The following MICAL3 variants were observed in gnomAD, a reference collection of about 807,000 sequenced individuals.
MICAL3 encodes the protein microtubule associated monooxygenase, calponin and LIM domain containing 3.
Under a neutral mutation model 207.4 loss-of-function variants are expected in MICAL3, and 62 were observed. That is an observed-to-expected ratio of 0.30 (90% CI 0.24 to 0.37). The LOEUF is 0.37. Ranked by LOEUF, MICAL3 falls within the 10% of genes least tolerant of loss-of-function variation. The pLI, the probability that MICAL3 is intolerant of heterozygous loss-of-function variation, is 1.00. For synonymous variants in MICAL3, 1,077 were observed against 1,069.3 expected (o/e 1.01, Z -0.14); for missense variants, 2,368 against 2,635.6 (o/e 0.90, Z 2.22).
rs184043973 is a variant in MICAL3 at position 17,829,397 on chromosome 22, G to A, written c.3056-1616C>T. The stretch of plus-strand genomic sequence containing the variant: ...TTGGTCAGACTGGTCTCAAACTCCC[G>A]ATCTCAGGTGATCCACACGCCTCGG... On this transcript the variant is annotated intron_variant, in intron 21 of 31. Transcript: ENST00000441493. Among the ~76,000 whole-genome samples the A allele has an allele frequency of 3.4e-4, 52 of 152,138 alleles. 1 individual carries two copies. In the East Asian group the frequency reaches 8.7e-3, roughly 26 times the overall value.
chr22:17,963,895 G>C (rs1222407844), intron 1 of MICAL3, among the ~76,000 whole-genome samples: 2 of 152,128 alleles, frequency 1.3e-5, no homozygotes. Flanking sequence ...CAAGGTCGTG[G>C]GGACATATTT....
At chr22:17,918,258 C>T (rs948198426) in intron 1 of MICAL3, among the ~76,000 whole-genome samples, 2 of 151,430 alleles carry the variant, frequency 1.3e-5, no homozygotes, top group South Asian at 2.1e-4. Flanking sequence ...TCTGGCCTGG[C>T]GGACAGAACG....
At chr22:17,950,837 A>C (rs34272636) in intron 1 of MICAL3, among the ~76,000 whole-genome samples, 22,284 of 152,230 alleles carry the variant, frequency 0.15, 2,104 homozygotes, top group Middle Eastern at 0.23. Flanking sequence ...CACCAACGCC[A>C]CTACTTGGAA....
chr22:17,935,771 GAACA>G (rs1933487563), intron 1 of MICAL3, among the ~76,000 whole-genome samples: 1 of 152,166 alleles, frequency 6.6e-6, no homozygotes, highest in South Asian at 2.1e-4. Context: ...CAAAGAATAT[GAACA>G]GACACTTCTC....
At position 17,827,891 on chromosome 22, in the gene MICAL3, G is replaced by A. The variant is rs1922365753; in HGVS notation, c.3056-110C>T. ...TTACAGCATTGGCCAGGGTCAGTAT[G>A]AATCAGAAAGAAGTAAAAATTAAGA... On this transcript the variant is annotated intron_variant, in intron 21 of 31. Transcript: ENST00000441493. The A allele has an allele frequency of 2.6e-6, 3 of 1,150,478 alleles. No homozygotes were observed. In the Admixed American group the frequency reaches 7.7e-5, roughly 30 times the overall value. 71.3% of individuals were successfully genotyped at this position (1,150,478 alleles called of 1,614,324 possible).
At chr22:17,848,832 T>C (rs7284796) in intron 19 of MICAL3, among the ~76,000 whole-genome samples, 4,358 of 152,332 alleles carry the variant, frequency 0.029, 210 homozygotes, top group African/African-American at 0.099. Context: ...TGCCATCAAC[T>C]TGGGCTTTTC....
chr22:17,850,317 G>A (rs80170154), intron 19 of MICAL3, among the ~76,000 whole-genome samples: 2 of 151,540 alleles, frequency 1.3e-5, no homozygotes, highest in Non-Finnish European at 2.9e-5. Flanking sequence ...TGAGGACACC[G>A]CTAGGGGGGA....
rs570795967 is a variant in MICAL3, at chr22:17,818,900, G to T, written c.3761C>A (p.Pro1254Gln). 6 of 1,561,938 alleles carry T rather than the reference G, an allele frequency of 3.8e-6. No homozygotes were observed. In the Admixed American group the frequency reaches 1.1e-4, roughly 29 times the overall value. The stretch of plus-strand genomic sequence containing the variant: ...GGAGCAGATGGGGAGTGGGCTGGGT[G>T]GGGGCGTGGAGGCCGCCACGGGTGG... ...PQPPVAASTP[P>Q]PSPLPICSQP... The change falls in exon 26 of 32, where the codon CCA (proline) becomes CAA (glutamine). Residue 1254 changes from proline to glutamine, a missense_variant. Pro to Gln is a moderately conservative substitution (Grantham distance 76). This residue lies in a region of MICAL3 where 1,770 missense variants were observed against 1,863.2 expected (regional missense o/e 0.95). Coordinates refer to ENST00000441493, the MANE Select transcript of MICAL3 (RefSeq NM_015241.3).
intron 1 of MICAL3, among the ~76,000 whole-genome samples, chr22:17,920,164 C>T (rs117533816): frequency 0.012 from 1,763 of 152,328 alleles, 28 homozygotes; most frequent in Admixed American, 0.041. Context: ...GAAAGCTGCA[C>T]GCGTGAAACG....
intron 12 of MICAL3, among the ~76,000 whole-genome samples, chr22:17,890,355 C>A (rs1389384011): frequency 6.6e-6 from 1 of 152,098 alleles, no homozygotes; most frequent in African/African-American, 2.4e-5. Context: ...TCCACCCCCA[C>A]CTGCTAGGCT....
chr22:18,022,074 A>G (rs1806204502), intron 1 of MICAL3, among the ~76,000 whole-genome samples: 1 of 151,992 alleles, frequency 6.6e-6, no homozygotes, highest in Admixed American at 6.6e-5. Flanking sequence ...CAGTTTTAAG[A>G]CCTTATCTAA....
Position 17,790,657 on chromosome 22 carries a change from C to A in MICAL3, c.*75G>T. The A allele has an allele frequency of 7.3e-7, 1 of 1,369,984 alleles. No homozygotes were observed. Among genetic ancestry groups the A allele is most frequent in the Non-Finnish European group, 9.9e-7 (1 of 1,008,780 alleles). 84.9% of individuals were successfully genotyped at this position (1,369,984 alleles called of 1,614,324 possible). On this transcript the variant is annotated 3_prime_UTR_variant, in exon 32 of 32. Transcript: ENST00000441493. ...AAGGAGGTGCCAGGCCTCCTCAGAT[C>A]GCGGCTCCGGGTGGTTTGGATGCCA...
intron 16 of MICAL3, among the ~76,000 whole-genome samples, chr22:17,877,579 AAGTTAT>A (rs1928970156): frequency 6.9e-6 from 1 of 144,706 alleles, no homozygotes; most frequent in Non-Finnish European, 1.5e-5. Context: ...GAGGTTAGGG[AAGTTAT>A]GGAGGTTAGG....
At chr22:17,920,147 TGA>T (rs1169123611) in intron 1 of MICAL3, among the ~76,000 whole-genome samples, 1 of 152,154 alleles carries the variant, frequency 6.6e-6, no homozygotes, top group Non-Finnish European at 1.5e-5. Flanking sequence ...AGGAGGCAAG[TGA>T]GAGGGAAAGC....
Position 17,889,179 on chromosome 22 carries a change from G to C in MICAL3, c.1746C>G (p.Ala582=), listed in dbSNP as rs201071794. 924 of 1,613,608 alleles carry C rather than the reference G, an allele frequency of 5.7e-4. 4 individuals are homozygous for C. Among genetic ancestry groups the C allele is most frequent in the Non-Finnish European group, 6.5e-4 (770 of 1,179,652 alleles). The change falls in exon 13 of 32, where the codon GCC becomes GCG. Residue 582 remains alanine, a synonymous_variant. Transcript: ENST00000441493. ...EQNVEKNNQL[A]FDIAEKELGI... ...CCAATTCCTTCTCAGCAATGTCAAAGGCCAGTTGGTTATTCTTCTCCACAT... is the reference window on the plus strand; with the variant it reads ...CCAATTCCTTCTCAGCAATGTCAAACGCCAGTTGGTTATTCTTCTCCACAT...
At chr22:17,838,313 ACT>A (rs1254420061) in intron 20 of MICAL3, among the ~76,000 whole-genome samples, 1 of 152,048 alleles carries the variant, frequency 6.6e-6, no homozygotes, top group African/African-American at 2.4e-5. Flanking sequence ...GCCCTGGGTG[ACT>A]CTGGCATGGG....
chr22:17,913,682 C>T (rs1932282589), intron 1 of MICAL3, among the ~76,000 whole-genome samples: 1 of 152,128 alleles, frequency 6.6e-6, no homozygotes, highest in Non-Finnish European at 1.5e-5. Flanking sequence ...TAGTACAGTC[C>T]TAACACTTAT....
intron 21 of MICAL3, among the ~76,000 whole-genome samples, chr22:17,829,225 G>A (rs1922535938): frequency 6.7e-6 from 1 of 149,392 alleles, no homozygotes. Flanking sequence ...AGAGTGCAAT[G>A]GCACGATCTC....
chr22:17,844,093 G>A (rs1288440660), intron 19 of MICAL3, among the ~76,000 whole-genome samples: 2 of 152,126 alleles, frequency 1.3e-5, no homozygotes, highest in African/African-American at 4.8e-5. Context: ...TGATCCGCCC[G>A]CCTCGGCCTC....
Sources: allele counts gnomAD v4.1 joint callset (sites outside exome capture counted in the v4.1 genomes callset), GRCh38; gene constraint gnomAD v4.1.1; regional missense constraint gnomAD v4.1.1; transcripts MANE v1.5; gene names NCBI Gene and HGNC (gene_info 2026-07-23, HGNC 2026-07-21).